HBEGF: variants seen among roughly 807,000 people sequenced by gnomAD.
HBEGF encodes heparin binding EGF like growth factor.
In HBEGF, 8 loss-of-function variants were observed where a neutral mutation model predicts 19.5. The observed-to-expected ratio is 0.41, with a 90% CI of 0.24 to 0.74. HBEGF has a LOEUF of 0.74. Ranked by LOEUF, HBEGF falls within the 30% of genes least tolerant of loss-of-function variation. The pLI is 0.32. For synonymous variants in HBEGF, 97 were observed against 108.9 expected, an observed-to-expected ratio of 0.89 and a Z score of 0.68; for missense variants, 207 against 256.9, an observed-to-expected ratio of 0.81 and a Z score of 1.33.
At chr5:140,334,906 C>T (rs1766204253) in intron 4 of HBEGF, 158 bp from the exon 5 acceptor site, 1 of 653,926 alleles carries the variant, frequency 1.5e-6, no homozygotes, top group African/African-American at 1.8e-5. Context: ...GGCCCAACTG[C>T]CCCGAGGAAC....
intron 4 of HBEGF, 104 bp downstream of exon 4, chr5:140,335,768 G>T: frequency 8.1e-7 from 1 of 1,240,874 alleles, no homozygotes; most frequent in Non-Finnish European, 1.1e-6. Context: ...CCCATGATTT[G>T]GAAAGATTGA....
chr5:140,334,918 C>T (rs1237331357), intron 4 of HBEGF, 170 bp from the exon 5 acceptor site: 1 of 635,812 alleles, frequency 1.6e-6, no homozygotes, highest in Non-Finnish European at 2.8e-6. Flanking sequence ...CCGAGGAACT[C>T]CTGTCTCTAA....
Position 140,342,680 on chromosome 5 carries a change from T to C in HBEGF, c.353A>G (p.His118Arg), listed in dbSNP as rs746395361. 1 of 1,614,194 alleles carries C rather than the reference T, an allele frequency of 6.2e-7. No individual in the cohort carries two copies. Among genetic ancestry groups the C allele is most frequent in the South Asian group, 1.1e-5 (1 of 91,088 alleles). The change falls in exon 3 of 6, where the codon CAT becomes CGT. Residue 118 changes from histidine (H) to arginine (R), a missense_variant. This residue lies in a region of HBEGF where 3 missense variants were observed against 17.3 expected (regional missense o/e 0.17). Coordinates refer to ENST00000230990, the MANE Select transcript of HBEGF (RefSeq NM_001945.3). ...CTCCTTCACATATTTGCATTCTCCA[T>C]GGATGCAGAAGTCCTTGTATTTCCG... ...CLRKYKDFCI[H>R]GECKYVKELR...
intron 3 of HBEGF, among the ~76,000 whole-genome samples, chr5:140,339,594 A>G (rs1227394305): frequency 1.3e-5 from 2 of 151,902 alleles, no homozygotes; most frequent in Non-Finnish European, 2.9e-5. Context: ...GGGTTTCTCT[A>G]TGTTGGCCAG....
In HBEGF at chr5:140,346,580, C is replaced by T; in HGVS notation, c.-252G>A. The T allele has an allele frequency of 3.6e-6, 2 of 552,610 alleles. No homozygotes were observed. Among genetic ancestry groups the T allele is most frequent in the Non-Finnish European group, 6.4e-6 (2 of 312,386 alleles). The allele number at this position is 552,610 out of a possible 1,614,324, so 34.2% of individuals were successfully genotyped here. ...TAGGTCAGGCCAGCCAGCAGCGTGG[C>T]CCGCGTAGCTCCTTCGGCCGAATGA... On this transcript the variant is annotated 5_prime_UTR_variant, in exon 1 of 6. Coordinates refer to ENST00000230990, the MANE Select transcript of HBEGF (RefSeq NM_001945.3). The surrounding 1 kb of genome is among the most constrained non-coding windows in gnomAD (Gnocchi z 6.1).
rs878890527 is a variant in HBEGF, at chr5:140,346,155, C to G, written c.47-71G>C. 5.1e-6 allele frequency: 8 copies of G among 1,566,182 alleles called. 1 individual carries two copies. The South Asian group carries it at 8.0e-5, about 16-fold the overall frequency. ...TGACCAACACGCACCGATGCCGACG[C>G]CCGTCCGCCAGAGCGCAAGGGCCCC... is the stretch of plus-strand genomic sequence containing the variant. On this transcript the variant is annotated intron_variant, in intron 1 of 5. Transcript: ENST00000230990. This position sits in a 1 kb window ranked among gnomAD's most constrained non-coding sequence, Gnocchi z 6.1.
At chr5:140,336,835 T>C (rs996863029) in intron 3 of HBEGF, among the ~76,000 whole-genome samples, 5 of 146,860 alleles carry the variant, frequency 3.4e-5, no homozygotes, top group African/African-American at 1.0e-4. Flanking sequence ...TTTCTTTTTT[T>C]TTTTTTTTTT....
chr5:140,341,550 C>T (rs1271903735), intron 3 of HBEGF, among the ~76,000 whole-genome samples: 1 of 152,180 alleles, frequency 6.6e-6, no homozygotes, highest in East Asian at 1.9e-4. Flanking sequence ...GGTCTGTCTG[C>T]CAACTGCCAA....
chr5:140,336,978 G>A (rs1026648077), intron 3 of HBEGF, among the ~76,000 whole-genome samples: 5 of 151,724 alleles, frequency 3.3e-5, no homozygotes, highest in Non-Finnish European at 7.4e-5. Context: ...ACAGGTGCCC[G>A]CCACCACGCC....
chr5:140,343,072 T>C, intron 2 of HBEGF: 1 of 446,842 alleles, frequency 2.2e-6, no homozygotes. Context: ...TGTAAGAGCC[T>C]CATTCTCAGA....
Position 140,345,897 on chromosome 5 carries a change from G to T in HBEGF, c.220+14C>A. ...GCCCACCAAGGTCCAAGGATGGGGG[G>T]CCTCCACACCCACCTCTCAAAAGGT... On this transcript the variant is annotated intron_variant, in intron 2 of 5. Transcript: ENST00000230990. 1 of 1,613,818 alleles carries T rather than the reference G, an allele frequency of 6.2e-7. No individual in the cohort carries two copies.
chr5:140,344,165 A>T (rs1766358580), intron 2 of HBEGF, among the ~76,000 whole-genome samples: 1 of 151,538 alleles, frequency 6.6e-6, no homozygotes, highest in Non-Finnish European at 1.5e-5. Flanking sequence ...AAAAGAAAAA[A>T]CTCATGGCAG....
Position 140,346,051 on chromosome 5 carries a change from T to A in HBEGF, c.80A>T (p.Glu27Val). 6.2e-7 allele frequency: 1 copy of A among 1,613,600 alleles called. No homozygotes were observed. The highest frequency in any genetic ancestry group is 1.3e-5 in the African/African-American group (1 of 74,978). ...AGCAGCTAGCCCTCTCCGAAGCCGC[T>A]CCAGGCTCTCGCCAGTCACCAGTGC... ...LSALVTGESLERLRRGLAAGT... is the reference protein window; with the variant it reads ...LSALVTGESLVRLRRGLAAGT... Residue 27 changes from glutamate (E) to valine (V), a missense_variant, in exon 2 of 6, where the codon GAG becomes GTG. Physicochemically the swap from Glu to Val is moderately radical, Grantham distance 121. Transcript: ENST00000230990. This position sits in a 1 kb window ranked among gnomAD's most constrained non-coding sequence, Gnocchi z 6.1.
At chr5:140,345,821 C>T (rs1173157808) in intron 2 of HBEGF, 90 bp downstream of exon 2, 1 of 1,514,704 alleles carries the variant, frequency 6.6e-7, no homozygotes, top group East Asian at 2.3e-5. Context: ...TACCCTCAAC[C>T]CACAGTATTG....
chr5:140,344,728 GAGCA>G (rs1260653365), intron 2 of HBEGF, among the ~76,000 whole-genome samples: 1 of 151,826 alleles, frequency 6.6e-6, no homozygotes, highest in Non-Finnish European at 1.5e-5. Context: ...GCTTCGGGGA[GAGCA>G]AGGCAGGGGG....
At chr5:140,335,187 T>A (rs1050692132) in intron 4 of HBEGF, 1 of 162,066 alleles carries the variant, frequency 6.2e-6, no homozygotes, top group African/African-American at 2.4e-5. Flanking sequence ...ATCGAGACCA[T>A]CCTGGCTAAC....
intron 3 of HBEGF, among the ~76,000 whole-genome samples, 179 bp downstream of exon 3, chr5:140,342,456 T>C (rs1270834923): frequency 1.3e-5 from 2 of 152,166 alleles, no homozygotes; most frequent in Non-Finnish European, 2.9e-5. Context: ...AATTGCATCC[T>C]ATAGGGGGGA....
In HBEGF at chr5:140,346,440, T is replaced by C; in HGVS notation, c.-112A>G. 8.4e-7 allele frequency: 1 copy of C among 1,184,552 alleles called. No individual in the cohort carries two copies. Among genetic ancestry groups the C allele is most frequent in the Admixed American group, 2.1e-5 (1 of 47,806 alleles). The allele number at this position is 1,184,552 out of a possible 1,614,324, so 73.4% of individuals were successfully genotyped here. Reference sequence around the variant, plus strand: ...GCTCAGGAGATTCCGCCGGGCACCGTCTGCCGCCCGCCTCTGCGTGCAAGC... The same window carrying C: ...GCTCAGGAGATTCCGCCGGGCACCGCCTGCCGCCCGCCTCTGCGTGCAAGC... On this transcript the variant is annotated 5_prime_UTR_variant, in exon 1 of 6. Coordinates refer to ENST00000230990, the MANE Select transcript of HBEGF (RefSeq NM_001945.3). This position sits in a 1 kb window ranked among gnomAD's most constrained non-coding sequence, Gnocchi z 6.1.
At chr5:140,334,839 G>T in intron 4 of HBEGF, 91 bp from the exon 5 acceptor site, 1 of 1,046,908 alleles carries the variant, frequency 9.6e-7, no homozygotes, top group Admixed American at 1.7e-5. Flanking sequence ...TGCCATGGTG[G>T]TTTCCTCTAC....
Sources: allele counts gnomAD v4.1 joint callset (sites outside exome capture counted in the v4.1 genomes callset), GRCh38; gene constraint gnomAD v4.1.1; regional missense constraint gnomAD v4.1.1; non-coding constraint Gnocchi (gnomAD v3.1); transcripts MANE v1.5; gene names NCBI Gene and HGNC (gene_info 2026-07-23, HGNC 2026-07-21).